GALNT6: variants seen among roughly 807,000 people sequenced by gnomAD.
GALNT6 encodes polypeptide N-acetylgalactosaminyltransferase 6, also known as GalNAc transferase 6.
Under a neutral mutation model 65.9 loss-of-function variants are expected in GALNT6, and 51 were observed. That is an observed-to-expected ratio of 0.77 (90% confidence interval 0.62 to 0.98). The LOEUF is 0.98. GALNT6 is among the 50% of genes least tolerant of loss of function. GALNT6 has a pLI of 0.00. For synonymous variants in GALNT6, 323 were observed against 315.1 expected, an observed-to-expected ratio of 1.02 and a Z score of -0.26; for missense variants, 708 against 803.3, an observed-to-expected ratio of 0.88 and a Z score of 1.43.
chr12:51,385,998 G>T (rs538985398), intron 2 of GALNT6, among the ~76,000 whole-genome samples: 1 of 152,220 alleles, frequency 6.6e-6, no homozygotes, highest in East Asian at 1.9e-4. Context: ...CATCAGGCCT[G>T]GCTAGTTCCA....
intron 4 of GALNT6, among the ~76,000 whole-genome samples, chr12:51,370,406 G>A (rs1472421036): frequency 2.0e-5 from 3 of 152,248 alleles, no homozygotes; most frequent in East Asian, 3.9e-4. Flanking sequence ...TAGCCAGCAC[G>A]TGCCTGTAAT....
rs773701079 is a variant in GALNT6 at position 51,357,405 on chromosome 12, T to C, written c.1546A>G (p.Asn516Asp). The change falls in exon 10 of 12, where the codon AAC becomes GAC. Residue 516 changes from asparagine to aspartate, a missense_variant. By Grantham distance (23) the Asn-to-Asp change is conservative (BLOSUM62 1). Transcript: ENST00000356317. Reference sequence around the variant, plus strand: ...ATGATGAGGGGCTTCCCCCCGCGGTTGTTCTCACCCACATCCAGGCATTGG... The same window carrying C: ...ATGATGAGGGGCTTCCCCCCGCGGTCGTTCTCACCCACATCCAGGCATTGG... Reference protein sequence around the residue: ...TNQCLDVGENNRGGKPLIMYS... With the variant: ...TNQCLDVGENDRGGKPLIMYS... The C allele has an allele frequency of 1.1e-5, 18 of 1,613,990 alleles. No homozygotes were observed. The Admixed American group carries it at 1.3e-4, about 12-fold the overall frequency.
chr12:51,354,749 A>T (rs1032810269), intron 11 of GALNT6, among the ~76,000 whole-genome samples: 1 of 152,114 alleles, frequency 6.6e-6, no homozygotes, highest in African/African-American at 2.4e-5. Flanking sequence ...GCTGAGAGAA[A>T]AATGCTTTCA....
intron 2 of GALNT6, among the ~76,000 whole-genome samples, chr12:51,381,218 C>CGA (rs1024908547): frequency 6.6e-6 from 1 of 152,026 alleles, no homozygotes; most frequent in Non-Finnish European, 1.5e-5. Flanking sequence ...TCAGCATGGG[C>CGA]GAGAGAGAGA....
chr12:51,384,236 C>A (rs1205606934), intron 2 of GALNT6, among the ~76,000 whole-genome samples: 3 of 152,180 alleles, frequency 2.0e-5, no homozygotes, highest in Non-Finnish European at 4.4e-5. Context: ...GGATTTGCTT[C>A]CCTGGCCCCA....
rs898796037 is a variant in GALNT6, at chr12:51,364,151, T to G, written c.1019A>C (p.Gln340Pro). The stretch of plus-strand genomic sequence containing the variant: ...GGGGTAGGTTTCATCCTTGCGCCTC[T>G]GCTTCTCATGTGGAGGAAGTGTTTC... Reference protein sequence around the residue: ...GWETLPPHEKQRRKDETYPIK... With the variant: ...GWETLPPHEKPRRKDETYPIK... The change falls in exon 6 of 12, where the codon CAG (glutamine) becomes CCG (proline). Residue 340 changes from glutamine (Q) to proline (P), a missense_variant. Transcript: ENST00000356317. The G allele has an allele frequency of 5.6e-6, 9 of 1,614,020 alleles. No individual in the cohort carries two copies. In the African/African-American group the frequency reaches 1.2e-4, roughly 22 times the overall value.
chr12:51,365,147 G>A (rs938277045), intron 5 of GALNT6, among the ~76,000 whole-genome samples: 2 of 152,228 alleles, frequency 1.3e-5, no homozygotes, highest in Admixed American at 6.5e-5. Context: ...GCAAGGTGCA[G>A]ATGGGAGTAC....
At chr12:51,372,635 C>G (rs1000260094) in intron 4 of GALNT6, among the ~76,000 whole-genome samples, 4 of 152,174 alleles carry the variant, frequency 2.6e-5, no homozygotes, top group African/African-American at 9.7e-5. Context: ...CTGCTAGGGG[C>G]GGGTGCTCTG....
Position 51,354,163 on chromosome 12 carries a change from C to T in GALNT6, c.*216G>A, listed in dbSNP as rs779091435. ...ATTTCTAGAACAGGAAAACGCTAGG[C>T]TAAATATATGTCCTAATGGTCTCTT... On this transcript the variant is annotated 3_prime_UTR_variant, in exon 12 of 12. Transcript: ENST00000356317. 105 of 467,440 alleles carry T rather than the reference C, an allele frequency of 2.2e-4. No homozygotes were observed. Among genetic ancestry groups the T allele is most frequent in the Non-Finnish European group, 3.5e-4 (95 of 269,270 alleles). The allele number at this position is 467,440 out of a possible 1,614,324, so 29.0% of individuals were successfully genotyped here.
chr12:51,379,601 T>A lies in GALNT6; in HGVS notation c.181A>T (p.Met61Leu). 1 of 1,614,122 alleles carries A rather than the reference T, an allele frequency of 6.2e-7. No homozygotes were observed. The highest frequency in any genetic ancestry group is 8.5e-7 in the Non-Finnish European group (1 of 1,179,990). Residue 61 changes from methionine (M) to leucine (L), a missense_variant, in exon 3 of 12, where the codon ATG becomes TTG. Transcript: ENST00000356317. ...GGCATTGAATCTCTAAGGTTGTTCA[T>A]GGCCTCCAGCATGAGGTCCAGGACG... Reference protein sequence around the residue: ...DHVLDLMLEAMNNLRDSMPKL... With the variant: ...DHVLDLMLEALNNLRDSMPKL...
chr12:51,356,503 C>T (rs533105479), intron 10 of GALNT6, among the ~76,000 whole-genome samples: 5 of 150,516 alleles, frequency 3.3e-5, no homozygotes, highest in Middle Eastern at 6.8e-3. Context: ...AGACTGCAGG[C>T]GTGTAGCACC....
intron 10 of GALNT6, 49 bp downstream of exon 10, chr12:51,357,300 A>T: frequency 1.7e-6 from 2 of 1,201,952 alleles, no homozygotes; most frequent in Non-Finnish European, 2.5e-6. Context: ...GGTAGAGAAA[A>T]GGAGCCGGTG....
chr12:51,381,596 TG>T (rs1947673721), intron 2 of GALNT6, among the ~76,000 whole-genome samples: 1 of 152,214 alleles, frequency 6.6e-6, no homozygotes, highest in South Asian at 2.1e-4. Context: ...TCTCTGCACA[TG>T]GTAAGTTCCC....
intron 4 of GALNT6, among the ~76,000 whole-genome samples, chr12:51,369,222 C>T (rs1018278407): frequency 2.0e-5 from 3 of 152,230 alleles, no homozygotes; most frequent in African/African-American, 7.2e-5. Flanking sequence ...CCGAGCACTA[C>T]AAAGCCCTTC....
intron 6 of GALNT6, among the ~76,000 whole-genome samples, chr12:51,362,566 G>A (rs1315734094): frequency 6.6e-6 from 1 of 151,540 alleles, no homozygotes; most frequent in East Asian, 1.9e-4. Flanking sequence ...TGAAGCCTGC[G>A]ACGTCAGTGA....
At chr12:51,365,612 C>T (rs768371951) in intron 4 of GALNT6, 33 bp from the exon 5 acceptor site, 1 of 1,606,014 alleles carries the variant, frequency 6.2e-7, no homozygotes, top group East Asian at 2.2e-5. Flanking sequence ...GGCCAGTCCA[C>T]CACTTTGCTG....
rs772990255 is a variant in GALNT6, at chr12:51,354,463, A to T, written c.1785T>A (p.Gly595=). ...QDQLIRNSGS[G]TCLTSQDKKP... ...TTTTGTCCTGGGATGTCAGGCAGGT[A>T]CCAGATCCTGAGTTCCTGATGAGCT... The change falls in exon 12 of 12, where the codon GGT becomes GGA. Residue 595 remains glycine, a synonymous_variant. Coordinates refer to ENST00000356317, the MANE Select transcript of GALNT6 (RefSeq NM_007210.4). 6.3e-7 allele frequency: 1 copy of T among 1,597,820 alleles called. No homozygotes were observed. The highest frequency in any genetic ancestry group is 8.5e-7 in the Non-Finnish European group (1 of 1,173,350).
At chr12:51,374,264 G>A (rs547447315) in intron 4 of GALNT6, among the ~76,000 whole-genome samples, 1 of 151,960 alleles carries the variant, frequency 6.6e-6, no homozygotes, top group African/African-American at 2.4e-5. Flanking sequence ...AATTTCCTGG[G>A]CTCAAGTGAT....
chr12:51,363,683 C>T (rs915846523), intron 6 of GALNT6, among the ~76,000 whole-genome samples: 25 of 152,184 alleles, frequency 1.6e-4, no homozygotes, highest in African/African-American at 4.6e-4. Context: ...ATACCACTCC[C>T]TCTTATTACA....
Sources: allele counts gnomAD v4.1 joint callset (sites outside exome capture counted in the v4.1 genomes callset), GRCh38; gene constraint gnomAD v4.1.1; transcripts MANE v1.5; gene names NCBI Gene and HGNC (gene_info 2026-07-23, HGNC 2026-07-21).